Variants in SLC60A1 observed in about 807,000 individuals in gnomAD.
SLC60A1 encodes the protein solute carrier family 60 member 1, also known as major facilitator superfamily domain containing 4.
chr1:205,577,982 T>C, the SLC60A1 span, among the ~76,000 whole-genome samples: 9 of 152,366 alleles, frequency 5.9e-5, no homozygotes, highest in South Asian at 1.9e-3. This position sits in a 1 kb window ranked among gnomAD's most constrained non-coding sequence, Gnocchi z 5.2. Context: ...CCTGGTTTCC[T>C]TTCCCATACC....
the SLC60A1 span, among the ~76,000 whole-genome samples, chr1:205,584,324 C>T: frequency 2.0e-5 from 3 of 149,312 alleles, no homozygotes; most frequent in African/African-American, 5.0e-5. Context: ...CAGGTTCAAG[C>T]GATTCTCCTG....
the SLC60A1 span, chr1:205,600,396 T>A: frequency 5.0e-6 from 8 of 1,613,884 alleles, no homozygotes; most frequent in Admixed American, 1.3e-4. Context: ...GTTTTGTTTT[T>A]CTTTTGTAGT....
At chr1:205,586,133 A>G in the SLC60A1 span, 1 of 1,613,798 alleles carries the variant, frequency 6.2e-7, no homozygotes, top group Non-Finnish European at 8.5e-7. Context: ...CTGGGGCTTC[A>G]TCACACTGGG....
chr1:205,583,992 A>G, the SLC60A1 span: 1 of 1,613,922 alleles, frequency 6.2e-7, no homozygotes, highest in Non-Finnish European at 8.5e-7. Flanking sequence ...CTGCTGTCCA[A>G]GGAGCGGCTG....
the SLC60A1 span, among the ~76,000 whole-genome samples, chr1:205,584,633 C>T: frequency 2.0e-5 from 3 of 151,944 alleles, no homozygotes; most frequent in African/African-American, 7.3e-5. Flanking sequence ...TGACTTCACC[C>T]TCCATTCTGC....
chr1:205,599,079 C>T, the SLC60A1 span: 4 of 1,609,148 alleles, frequency 2.5e-6, no homozygotes, highest in African/African-American at 1.3e-5. Flanking sequence ...TCCGATACAC[C>T]TTCCACGTGA....
chr1:205,581,861 G>T, the SLC60A1 span, among the ~76,000 whole-genome samples: 22 of 152,166 alleles, frequency 1.4e-4, no homozygotes, highest in African/African-American at 5.3e-4. The surrounding 1 kb of genome is among the most constrained non-coding windows in gnomAD (Gnocchi z 4.2). Context: ...GAGCCTTTGA[G>T]ACCACCATTC....
the SLC60A1 span, among the ~76,000 whole-genome samples, chr1:205,583,642 C>T: frequency 6.6e-6 from 1 of 152,226 alleles, no homozygotes; most frequent in African/African-American, 2.4e-5. Flanking sequence ...AGGTGTGACA[C>T]TCCAGCAAGC....
the SLC60A1 span, among the ~76,000 whole-genome samples, chr1:205,582,761 C>G: frequency 6.6e-6 from 1 of 152,210 alleles, no homozygotes; most frequent in South Asian, 2.1e-4. Context: ...CATGTCTGAC[C>G]TTGACTTCTT....
At chr1:205,583,900 G>A in the SLC60A1 span, 682 of 1,579,992 alleles carry the variant, frequency 4.3e-4, 3 homozygotes, top group African/African-American at 7.7e-3. Flanking sequence ...GAGGCCAGGC[G>A]TGGGAAGGGG....
At chr1:205,578,449 C>A in the SLC60A1 span, among the ~76,000 whole-genome samples, 6 of 152,340 alleles carry the variant, frequency 3.9e-5, no homozygotes, top group East Asian at 9.6e-4. Context: ...TCTCCTCCCC[C>A]ATGAGTTCTG....
At chr1:205,586,540 G>A in the SLC60A1 span, among the ~76,000 whole-genome samples, 2 of 152,316 alleles carry the variant, frequency 1.3e-5, no homozygotes, top group South Asian at 4.1e-4. Context: ...AGGAAAGCCA[G>A]TGCTGGCCCT....
the SLC60A1 span, among the ~76,000 whole-genome samples, chr1:205,577,071 G>A: frequency 6.6e-6 from 1 of 152,112 alleles, no homozygotes; most frequent in Non-Finnish European, 1.5e-5. The surrounding 1 kb of genome is among the most constrained non-coding windows in gnomAD (Gnocchi z 5.2). Context: ...ACAGGTGAAA[G>A]GAGACAAACA....
the SLC60A1 span, among the ~76,000 whole-genome samples, chr1:205,570,217 C>T: frequency 6.6e-6 from 1 of 152,194 alleles, no homozygotes; most frequent in Non-Finnish European, 1.5e-5. Context: ...GGAAAGACAG[C>T]CAGATTCACT....
At chr1:205,577,144 A>T in the SLC60A1 span, among the ~76,000 whole-genome samples, 19 of 151,520 alleles carry the variant, frequency 1.3e-4, no homozygotes, top group African/African-American at 4.6e-4. The surrounding 1 kb of genome is among the most constrained non-coding windows in gnomAD (Gnocchi z 5.2). Flanking sequence ...GCCCTTACTG[A>T]CCCCTTCTCT....
chr1:205,573,129 G>A, the SLC60A1 span, among the ~76,000 whole-genome samples: 1 of 152,082 alleles, frequency 6.6e-6, no homozygotes, highest in Non-Finnish European at 1.5e-5. Flanking sequence ...GTGGTATATT[G>A]GCCGGGCACA....
chr1:205,600,845 T>C, the SLC60A1 span: 43,061 of 180,252 alleles, frequency 0.24, 6,132 homozygotes, highest in East Asian at 0.61. Context: ...TCCATGATCA[T>C]TGCTATATGT....
the SLC60A1 span, chr1:205,597,860 G>T: frequency 1.7e-5 from 28 of 1,613,550 alleles, no homozygotes; most frequent in Non-Finnish European, 2.4e-5. Context: ...GGTATGTGGG[G>T]ACCTGTAAGG....
At chr1:205,574,399 G>T in the SLC60A1 span, among the ~76,000 whole-genome samples, 1 of 152,174 alleles carries the variant, frequency 6.6e-6, no homozygotes, top group African/African-American at 2.4e-5. Flanking sequence ...AGCCATGATT[G>T]CATCACTGCA....
Sources: allele counts gnomAD v4.1 joint callset (sites outside exome capture counted in the v4.1 genomes callset), GRCh38; gene constraint gnomAD v4.1.1; non-coding constraint Gnocchi (gnomAD v3.1); transcripts MANE v1.5; gene names NCBI Gene and HGNC (gene_info 2026-07-23, HGNC 2026-07-21).